The following USP10 variants were observed in gnomAD, a reference collection of about 807,000 sequenced individuals.
USP10 encodes ubiquitin specific peptidase 10, also known as ubiquitin carboxyl-terminal hydrolase 10.
Under a neutral mutation model 84.5 loss-of-function variants are expected in USP10, and 22 were observed. The ratio of observed to expected loss-of-function variants is 0.26; its 90% CI spans 0.19 to 0.37. The LOEUF (loss-of-function observed/expected upper bound fraction) is 0.37, where lower values mean the gene tolerates loss of function less well. Among genes scored for constraint, USP10 ranks in the 10% least tolerant of loss-of-function variants. The probability of loss-of-function intolerance (pLI) is 1.00; values close to 1 mark genes in which losing one functional copy is unlikely to be tolerated. For synonymous variants in USP10, 454 were observed against 387.6 expected (o/e 1.17, Z -2.01); for missense variants, 1,019 against 998.9 (o/e 1.02, Z -0.27).
chr16:84,718,494 C>T (rs920813040), intron 1 of USP10, among the ~76,000 whole-genome samples: 21 of 152,178 alleles, frequency 1.4e-4, no homozygotes, highest in African/African-American at 2.4e-5. Flanking sequence ...TGCGGTGGCT[C>T]ACGCCTGTAA....
chr16:84,700,401 G>A (rs1904693092), intron 1 of USP10, among the ~76,000 whole-genome samples: 2 of 151,956 alleles, frequency 1.3e-5, no homozygotes, highest in East Asian at 3.9e-4. Flanking sequence ...CCTCCCTGGG[G>A]CTGGACCGCG....
At chr16:84,769,429 TA>T (rs1274084569) in intron 11 of USP10, among the ~76,000 whole-genome samples, 1 of 152,150 alleles carries the variant, frequency 6.6e-6, no homozygotes, top group African/African-American at 2.4e-5. Context: ...TGATTTTGTT[TA>T]AAAAATAGAA....
intron 4 of USP10, among the ~76,000 whole-genome samples, chr16:84,751,318 G>C (rs557123788): frequency 2.3e-4 from 35 of 152,228 alleles, no homozygotes; most frequent in Admixed American, 8.5e-4. Context: ...AAGCATGGCT[G>C]TGTATCCTAA....
At chr16:84,741,597 G>T (rs73243980) in intron 3 of USP10, among the ~76,000 whole-genome samples, 2,756 of 152,098 alleles carry the variant, frequency 0.018, 82 homozygotes, top group African/African-American at 0.063. Context: ...CCTCCTTCCA[G>T]CCTGCCTGCC....
intron 1 of USP10, among the ~76,000 whole-genome samples, chr16:84,725,743 T>C (rs976169139): frequency 2.8e-4 from 43 of 152,202 alleles, no homozygotes; most frequent in African/African-American, 8.4e-4. Context: ...CTTAATCCTT[T>C]TTAGATCCAA....
intron 1 of USP10, among the ~76,000 whole-genome samples, chr16:84,705,055 A>C (rs1394066408): frequency 6.6e-6 from 1 of 152,196 alleles, no homozygotes; most frequent in Non-Finnish European, 1.5e-5. Flanking sequence ...TTGTGTGTAC[A>C]GCCTTATCGG....
At chr16:84,747,554 ATTTTTT>A (rs71151244) in intron 4 of USP10, among the ~76,000 whole-genome samples, 3 of 72,990 alleles carry the variant, frequency 4.1e-5, no homozygotes, top group Non-Finnish European at 6.8e-5. Context: ...AAGCCAGGTG[ATTTTTT>A]TTTTTTTTTT....
At chr16:84,747,221 G>A (rs887205608) in intron 4 of USP10, among the ~76,000 whole-genome samples, 1 of 152,208 alleles carries the variant, frequency 6.6e-6, no homozygotes, top group African/African-American at 2.4e-5. Context: ...TAGTAGCCAA[G>A]TTAAAATAAG....
Position 84,740,096 on chromosome 16 carries a change from A to T in USP10, c.91-213A>T, listed in dbSNP as rs79958608. Reference sequence around the variant, plus strand: ...TCATTTTCGGATCTGTTTAATAGTGATAAATATTTGAAAGCATTTCTATTG... The same window carrying T: ...TCATTTTCGGATCTGTTTAATAGTGTTAAATATTTGAAAGCATTTCTATTG... On this transcript the variant is annotated intron_variant, in intron 2 of 13. Transcript: ENST00000219473. Among the ~76,000 whole-genome samples, 1,346 of 152,318 alleles carry T rather than the reference A, an allele frequency of 8.8e-3. 15 individuals are homozygous for T. Among genetic ancestry groups the T allele is most frequent in the African/African-American group, 0.03 (1,238 of 41,550 alleles).
intron 1 of USP10, among the ~76,000 whole-genome samples, chr16:84,707,668 T>C (rs1015906499): frequency 6.6e-6 from 1 of 152,244 alleles, no homozygotes; most frequent in East Asian, 1.9e-4. Flanking sequence ...TGCCAGGGAA[T>C]GAAGCAGATA....
chr16:84,733,379 G>T, intron 1 of USP10, 56 bp from the exon 2 acceptor site: 2 of 1,365,246 alleles, frequency 1.5e-6, no homozygotes, highest in South Asian at 2.5e-5. Context: ...CATTTTTTCT[G>T]AAAGTATATA....
intron 13 of USP10, among the ~76,000 whole-genome samples, chr16:84,775,895 T>C (rs1295306508): frequency 2.8e-5 from 2 of 71,718 alleles, no homozygotes; most frequent in Non-Finnish European, 8.4e-5. Context: ...TCATCTTTTA[T>C]GCCTCTGAGT....
At chr16:84,772,442 C>T in intron 11 of USP10, 99 bp from the exon 12 acceptor site, 1 of 1,544,902 alleles carries the variant, frequency 6.5e-7, no homozygotes, top group East Asian at 2.3e-5. Context: ...ACTCTTGGGC[C>T]TCACCTCTCA....
chr16:84,772,459 G>A (rs941833123), intron 11 of USP10, 82 bp from the exon 12 acceptor site: 21 of 1,582,750 alleles, frequency 1.3e-5, no homozygotes, highest in South Asian at 5.7e-5. Flanking sequence ...CTCAGAGGAC[G>A]TCTTTGAGCG....
At chr16:84,747,309 A>G (rs979202747) in intron 4 of USP10, among the ~76,000 whole-genome samples, 1 of 152,238 alleles carries the variant, frequency 6.6e-6, no homozygotes, top group Non-Finnish European at 1.5e-5. Flanking sequence ...ACCAGGATGT[A>G]GCAGCAAGCT....
intron 1 of USP10, among the ~76,000 whole-genome samples, chr16:84,710,915 A>G (rs74855443): frequency 2.0e-5 from 3 of 152,166 alleles, no homozygotes; most frequent in Non-Finnish European, 4.4e-5. Context: ...GCCCTTTCGC[A>G]TGAATAGCAA....
chr16:84,740,353 G>GT lies in USP10; in HGVS notation c.135_136insT (p.Asp46Ter), dbSNP rs752675770. ...CAGTTCTGTGTGGCACACAGGCTGTGGATAAACTACCTGATGGTAAGCTAG... is the reference window on the plus strand; with the variant it reads ...CAGTTCTGTGTGGCACACAGGCTGTGTGATAAACTACCTGATGGTAAGCTAG... On this transcript the variant is annotated frameshift_variant, in exon 3 of 14. Transcript: ENST00000219473. LOFTEE classifies it high-confidence loss of function. 6.2e-7 allele frequency: 1 copy of GT among 1,612,600 alleles called. No homozygotes were observed. The highest frequency in any genetic ancestry group is 8.5e-7 in the Non-Finnish European group (1 of 1,179,126).
In USP10 at chr16:84,779,030, C is replaced by G; in HGVS notation, c.2345C>G (p.Thr782Ser). ...AACCAGTACCAGGTGGTGAAACCAA[C>G]TGCTGAACGCACAGCCTACCTCCTG... ...VINQYQVVKP[T>S]AERTAYLLYY... Residue 782 changes from threonine to serine, a missense_variant, in exon 14 of 14, where the codon ACT (threonine) becomes AGT (serine). This residue lies in a region of USP10 where 232 missense variants were observed against 290.1 expected (regional missense o/e 0.80). Coordinates refer to ENST00000219473, the MANE Select transcript of USP10 (RefSeq NM_005153.3). 1 of 1,614,012 alleles carries G rather than the reference C, an allele frequency of 6.2e-7. No individual in the cohort carries two copies. The highest frequency in any genetic ancestry group is 1.1e-5 in the South Asian group (1 of 91,084).
At chr16:84,712,745 G>C (rs1938466377) in intron 1 of USP10, among the ~76,000 whole-genome samples, 3 of 152,300 alleles carry the variant, frequency 2.0e-5, no homozygotes, top group South Asian at 4.1e-4. Context: ...CTGCTCTTCA[G>C]GTTCTTCAGT....
Sources: gnomAD v4.1 joint callset for allele counts (sites outside exome capture counted in the v4.1 genomes callset) on GRCh38, gnomAD v4.1.1 for gene constraint, gnomAD v4.1.1 regional missense constraint, MANE v1.5 for transcripts, NCBI Gene and HGNC (gene_info 2026-07-23, HGNC 2026-07-21) for gene names.